LHPP: variants seen among roughly 807,000 people sequenced by gnomAD.
LHPP encodes the protein hLHPP.
Under a neutral mutation model 30.3 loss-of-function variants are expected in LHPP, and 24 were observed. The ratio of observed to expected loss-of-function variants is 0.79; its 90% CI spans 0.57 to 1.11. LHPP has a LOEUF of 1.11. Ranked by LOEUF, LHPP falls within the 50% of genes most tolerant of loss-of-function variation. LHPP has a pLI of 0.00. For synonymous variants in LHPP, 150 were observed against 157.1 expected (o/e 0.95, Z 0.34); for missense variants, 356 against 367.2 (o/e 0.97, Z 0.25).
chr10:124,593,751 C>T lies in LHPP; in HGVS notation c.717-19513C>T, dbSNP rs1262265827. On this transcript the variant is annotated intron_variant, in intron 6 of 6. Coordinates refer to ENST00000368842, the MANE Select transcript of LHPP (RefSeq NM_022126.4). This position sits in a 1 kb window ranked among gnomAD's most constrained non-coding sequence, Gnocchi z 4.9. The stretch of plus-strand genomic sequence containing the variant: ...AGCTCTGGGCAGTCTCCAGGTCATG[C>T]GCGTTTGACGCAGGAGGTTTTGCCG... Among the ~76,000 whole-genome samples, 1 of 152,244 alleles carries T rather than the reference C, an allele frequency of 6.6e-6. No homozygotes were observed. Among genetic ancestry groups the T allele is most frequent in the Non-Finnish European group, 1.5e-5 (1 of 68,038 alleles).
Position 124,576,905 on chromosome 10 carries a change from A to G in LHPP, c.717-36359A>G, listed in dbSNP as rs1948670721. ...AGCCAGGCCTCCATGTGCCACTGTC[A>G]AGGGGACTTGGCCCGCCATGATCCT... On this transcript the variant is annotated intron_variant, in intron 6 of 6. Transcript: ENST00000368842. The surrounding 1 kb of genome is among the most constrained non-coding windows in gnomAD (Gnocchi z 4.2). Among the ~76,000 whole-genome samples the G allele has an allele frequency of 6.6e-6, 1 of 152,150 alleles. No homozygotes were observed. Among genetic ancestry groups the G allele is most frequent in the Non-Finnish European group, 1.5e-5 (1 of 68,020 alleles).
chr10:124,516,316 A>T (rs1200573708), intron 5 of LHPP, among the ~76,000 whole-genome samples: 1 of 152,178 alleles, frequency 6.6e-6, no homozygotes, highest in Non-Finnish European at 1.5e-5. Context: ...TCTGGTAAGG[A>T]CAGCAGTCCC....
In LHPP at chr10:124,593,061, G is replaced by A. The variant is rs1483071034; in HGVS notation, c.717-20203G>A. On this transcript the variant is annotated intron_variant, in intron 6 of 6. Transcript: ENST00000368842. This position sits in a 1 kb window ranked among gnomAD's most constrained non-coding sequence, Gnocchi z 4.9. The stretch of plus-strand genomic sequence containing the variant: ...CGGGGAACCGGGTACAAGTTGCTAG[G>A]GAAATACAGGGGGAGGGTGCTGCCC... 1.3e-5 allele frequency among the ~76,000 whole-genome samples: 2 copies of A among 152,208 alleles called. No homozygotes were observed. Among genetic ancestry groups the A allele is most frequent in the Non-Finnish European group, 2.9e-5 (2 of 68,024 alleles).
At chr10:124,469,238 C>T (rs1259031886) in intron 1 of LHPP, among the ~76,000 whole-genome samples, 3 of 152,032 alleles carry the variant, frequency 2.0e-5, no homozygotes, top group Admixed American at 1.3e-4. Flanking sequence ...CACATGCCTC[C>T]GTGGCAGCTC....
chr10:124,584,684 G>A (rs188774798), intron 6 of LHPP, among the ~76,000 whole-genome samples: 82 of 152,238 alleles, frequency 5.4e-4, no homozygotes, highest in African/African-American at 1.9e-3. Flanking sequence ...ATGAATTCTG[G>A]GGGGACATTC....
chr10:124,483,118 C>T lies in LHPP; in HGVS notation c.126-1021C>T, dbSNP rs144698380. Among the ~76,000 whole-genome samples the T allele has an allele frequency of 4.8e-3, 737 of 152,142 alleles. 9 individuals are homozygous for T. The highest frequency in any genetic ancestry group is 0.014 in the Middle Eastern group (4 of 292). The stretch of plus-strand genomic sequence containing the variant: ...AGTCAGGAGGGAAGAAGCTCGGTGC[C>T]GCCGGCCAGTGGCAGCATCCTGAAG... On this transcript the variant is annotated intron_variant, in intron 1 of 6. Transcript: ENST00000368842.
At chr10:124,524,203 A>AC (rs1322230846) in intron 6 of LHPP, among the ~76,000 whole-genome samples, 5 of 150,252 alleles carry the variant, frequency 3.3e-5, no homozygotes, top group African/African-American at 1.2e-4. Flanking sequence ...ATTAGCAAAG[A>AC]CCCCCCACAT....
chr10:124,477,713 G>A (rs1441171582), intron 1 of LHPP, among the ~76,000 whole-genome samples: 1 of 152,224 alleles, frequency 6.6e-6, no homozygotes, highest in African/African-American at 2.4e-5. Flanking sequence ...CTGCAGGAAA[G>A]GGCCAGTCAC....
At chr10:124,553,955 C>T (rs535417025) in intron 6 of LHPP, 2 of 985,438 alleles carry the variant, frequency 2.0e-6, no homozygotes, top group Non-Finnish European at 2.4e-6. Flanking sequence ...CCCTGTTGTC[C>T]TTGCGGCACC....
chr10:124,571,912 T>C (rs1314346925), intron 6 of LHPP, among the ~76,000 whole-genome samples: 2 of 152,174 alleles, frequency 1.3e-5, no homozygotes, highest in East Asian at 1.9e-4. Context: ...GTGGGTCTCA[T>C]TGAACCATGA....
chr10:124,525,424 C>CG (rs1564809653), intron 6 of LHPP, among the ~76,000 whole-genome samples: 1 of 152,182 alleles, frequency 6.6e-6, no homozygotes, highest in African/African-American at 2.4e-5. Context: ...GCCCCCACCA[C>CG]GGGGGGACCC....
intron 5 of LHPP, among the ~76,000 whole-genome samples, chr10:124,500,025 T>C (rs1953853929): frequency 6.6e-6 from 1 of 152,170 alleles, no homozygotes. Flanking sequence ...TTTACTACCT[T>C]GCTTCATAGG....
At chr10:124,527,744 A>T (rs1215775060) in intron 6 of LHPP, among the ~76,000 whole-genome samples, 1 of 151,440 alleles carries the variant, frequency 6.6e-6, no homozygotes, top group Non-Finnish European at 1.5e-5. Flanking sequence ...CGTGCTAACC[A>T]TGTAACCTTG....
chr10:124,574,548 G>A (rs752782151), intron 6 of LHPP, among the ~76,000 whole-genome samples: 5 of 152,202 alleles, frequency 3.3e-5, no homozygotes, highest in East Asian at 1.9e-4. Context: ...TCCCAGGGCC[G>A]ATCTGAACCC....
chr10:124,531,938 C>A (rs1476217789), intron 6 of LHPP, among the ~76,000 whole-genome samples: 1 of 152,168 alleles, frequency 6.6e-6, no homozygotes, highest in African/African-American at 2.4e-5. Context: ...TGTATTTACT[C>A]CTGGTGTTTT....
At chr10:124,536,689 C>G (rs1955036518) in intron 6 of LHPP, among the ~76,000 whole-genome samples, 1 of 152,156 alleles carries the variant, frequency 6.6e-6, no homozygotes, top group African/African-American at 2.4e-5. Flanking sequence ...GTACCTGGTG[C>G]CATTTTGGAA....
chr10:124,488,908 G>A (rs1194764101), intron 3 of LHPP, among the ~76,000 whole-genome samples: 1 of 152,084 alleles, frequency 6.6e-6, no homozygotes, highest in East Asian at 1.9e-4. Context: ...AGCAAAGAAG[G>A]AGAAGGTGCA....
At chr10:124,528,209 G>A (rs1349599680) in intron 6 of LHPP, among the ~76,000 whole-genome samples, 2 of 152,194 alleles carry the variant, frequency 1.3e-5, no homozygotes, top group Admixed American at 1.3e-4. Context: ...TTCCCTAACG[G>A]TTCCCATTTG....
rs1955117530 is a variant in LHPP at position 124,539,388 on chromosome 10, G to T, written c.716+22117G>T. Among the ~76,000 whole-genome samples the T allele has an allele frequency of 2.0e-5, 3 of 152,198 alleles. No homozygotes were observed. The South Asian group carries it at 6.2e-4, about 31-fold the overall frequency. On this transcript the variant is annotated intron_variant, in intron 6 of 6. Transcript: ENST00000368842. ...GCCTGTAATCCCAGCACTTTGGGAG[G>T]CCAAGGCTGGCAGATTGCTTGAGCC... is the stretch of plus-strand genomic sequence containing the variant.
Sources: gnomAD v4.1 joint callset for allele counts (sites outside exome capture counted in the v4.1 genomes callset) on GRCh38, gnomAD v4.1.1 for gene constraint, Gnocchi (gnomAD v3.1) non-coding constraint, MANE v1.5 for transcripts, NCBI Gene and HGNC (gene_info 2026-07-23, HGNC 2026-07-21) for gene names.